The following CACNA1A variants were observed in gnomAD, a reference collection of about 807,000 sequenced individuals.
The protein encoded by CACNA1A is voltage-dependent P/Q-type calcium channel subunit alpha-1A.
A neutral mutation model predicts 262.4 loss-of-function variants in CACNA1A; 57 were observed. The ratio of observed to expected loss-of-function variants is 0.22; its 90% CI spans 0.18 to 0.27. CACNA1A has a LOEUF of 0.27. Ranked by LOEUF, CACNA1A falls within the 10% of genes least tolerant of loss-of-function variation. The pLI, the probability that CACNA1A is intolerant of heterozygous loss-of-function variation, is 1.00. For synonymous variants in CACNA1A, 1,431 were observed against 1,419.3 expected (o/e 1.01, Z -0.18); for missense variants, 2,526 against 3,562.8 (o/e 0.71, Z 7.41).
At chr19:13,362,965 C>T (rs1486025569) in intron 5 of CACNA1A, 1 of 152,246 alleles carries the variant, frequency 6.6e-6, no homozygotes, top group Non-Finnish European at 1.5e-5. Flanking sequence ...TCTAGAAAAA[C>T]AAGCGTCCAG....
chr19:13,349,438 AC>A (rs2058863156), intron 6 of CACNA1A, among the ~76,000 whole-genome samples: 1 of 152,164 alleles, frequency 6.6e-6, no homozygotes, highest in Admixed American at 6.5e-5. Flanking sequence ...GGGGTCAGGG[AC>A]CTTCCCCTGT....
intron 3 of CACNA1A, among the ~76,000 whole-genome samples, chr19:13,385,419 G>A (rs549961784): frequency 9.9e-5 from 15 of 151,992 alleles, no homozygotes; most frequent in Non-Finnish European, 1.5e-5. Flanking sequence ...TAGTAGAGAC[G>A]GGGTTTCACC....
chr19:13,370,493 A>G (rs142433352), intron 4 of CACNA1A, among the ~76,000 whole-genome samples: 1,952 of 151,820 alleles, frequency 0.013, 38 homozygotes, highest in African/African-American at 0.044. Flanking sequence ...CAGTGGTGCT[A>G]TCACAGCTCA....
chr19:13,445,625 C>T (rs8107882), intron 3 of CACNA1A, among the ~76,000 whole-genome samples: 4 of 152,252 alleles, frequency 2.6e-5, no homozygotes, highest in South Asian at 2.1e-4. Context: ...TTAACATGCA[C>T]GATTTGTGTT....
chr19:13,452,315 CTG>C (rs1353652302), intron 3 of CACNA1A: 2 of 152,364 alleles, frequency 1.3e-5, no homozygotes, highest in African/African-American at 4.8e-5. Context: ...AAGACAGTAA[CTG>C]TACCTTATTT....
At chr19:13,326,459 A>G (rs1253111068) in intron 10 of CACNA1A, among the ~76,000 whole-genome samples, 1 of 152,166 alleles carries the variant, frequency 6.6e-6, no homozygotes, top group Admixed American at 6.5e-5. Flanking sequence ...TTATCAACTG[A>G]TTCAACAGCG....
At chr19:13,403,580 C>A (rs1193368993) in intron 3 of CACNA1A, among the ~76,000 whole-genome samples, 1 of 152,104 alleles carries the variant, frequency 6.6e-6, no homozygotes, top group African/African-American at 2.4e-5. Context: ...GAAAAATACA[C>A]ACCATGTTGC....
In CACNA1A at chr19:13,257,424, C is replaced by A. The variant is rs1322080885; in HGVS notation, c.4516G>T (p.Val1506Leu). Reference protein sequence around the residue: ...VFPFFFVNIFVALIIITFQEQ... With the variant: ...VFPFFFVNIFLALIIITFQEQ... ...TGGAAGGTGATGATGATCAAGGCCA[C>A]AAAGATATTGACAAAGAAGAAGGGG... The change falls in exon 28 of 47, where the codon GTG becomes TTG. Residue 1506 changes from valine (V) to leucine (L), a missense_variant. Transcript: ENST00000360228. 2.5e-6 allele frequency: 4 copies of A among 1,613,808 alleles called. No individual in the cohort carries two copies. The highest frequency in any genetic ancestry group is 3.4e-6 in the Non-Finnish European group (4 of 1,179,870).
At chr19:13,472,108 G>A (rs990263083) in intron 1 of CACNA1A, among the ~76,000 whole-genome samples, 1 of 151,908 alleles carries the variant, frequency 6.6e-6, no homozygotes, top group Admixed American at 6.6e-5. Context: ...GACTACAGGT[G>A]CACACTATCA....
At position 13,335,956 on chromosome 19, in the gene CACNA1A, A is replaced by G. The variant is rs1252793783; in HGVS notation, c.979-47T>C. Reference sequence around the variant, plus strand: ...AGCAGGTGAGAGTTGACTGGGACTCAGATAGAACCTGACAGGTGAGGGAAG... The same window carrying G: ...AGCAGGTGAGAGTTGACTGGGACTCGGATAGAACCTGACAGGTGAGGGAAG... On this transcript the variant is annotated intron_variant, in intron 6 of 46. Coordinates refer to ENST00000360228, the MANE Select transcript of CACNA1A (RefSeq NM_001127222.2). 5 of 1,113,544 alleles carry G rather than the reference A, an allele frequency of 4.5e-6. No individual in the cohort carries two copies. The East Asian group carries it at 1.0e-4, about 23-fold the overall frequency. 69.0% of individuals were successfully genotyped at this position (1,113,544 alleles called of 1,614,324 possible). A position where few individuals can be genotyped will look rare whatever the true frequency, so the allele number is the denominator to read the frequency against.
intron 3 of CACNA1A, among the ~76,000 whole-genome samples, chr19:13,433,333 T>C (rs569086590): frequency 2.0e-5 from 3 of 149,470 alleles, no homozygotes; most frequent in Non-Finnish European, 1.5e-5. Context: ...TCATGGCGTG[T>C]GCCCATAGTC....
Position 13,317,232 on chromosome 19 carries a change from T to C in CACNA1A, c.1435A>G (p.Ile479Val). Residue 479 changes from isoleucine to valine, a missense_variant, in exon 11 of 47, where the codon ATC becomes GTC. This residue lies in a region of CACNA1A where 104 missense variants were observed against 127.6 expected (regional missense o/e 0.81). Transcript: ENST00000360228. ...GCCTGAGTTTTGACCATGCGGCGGA[T>C]GTAGAAACGCATCCTCCTCTCCTTT... ...HKKERRMRFY[I>V]RRMVKTQAFY... is the part of the protein sequence containing the mutation. 2 of 1,613,734 alleles carry C rather than the reference T, an allele frequency of 1.2e-6. No individual in the cohort carries two copies. Among genetic ancestry groups the C allele is most frequent in the Non-Finnish European group, 1.7e-6 (2 of 1,179,744 alleles).
intron 1 of CACNA1A, among the ~76,000 whole-genome samples, chr19:13,479,787 C>T (rs1979036848): frequency 6.6e-6 from 1 of 152,168 alleles, no homozygotes; most frequent in Non-Finnish European, 1.5e-5. Context: ...GAAAGAAAGG[C>T]TGGCCTTTAA....
At chr19:13,321,783 G>C (rs1340226303) in intron 10 of CACNA1A, among the ~76,000 whole-genome samples, 2 of 152,252 alleles carry the variant, frequency 1.3e-5, no homozygotes, top group Non-Finnish European at 2.9e-5. Flanking sequence ...GTTGCTCTTG[G>C]TGAGGGAGTG....
Position 13,214,456 on chromosome 19 carries a change from A to T in CACNA1A, c.5839+45T>A. The T allele has an allele frequency of 6.4e-7, 1 of 1,565,896 alleles. No individual in the cohort carries two copies. The highest frequency in any genetic ancestry group is 1.7e-4 in the Middle Eastern group (1 of 5,978). On this transcript the variant is annotated intron_variant, in intron 39 of 46. Coordinates refer to ENST00000360228, the MANE Select transcript of CACNA1A (RefSeq NM_001127222.2). This position sits in a 1 kb window ranked among gnomAD's most constrained non-coding sequence, Gnocchi z 4.1. ...AGGCCTCCCCTTTCCCTCCCCCTCC[A>T]TCTGTCCTGGTGGATTGGATCCCAG...
rs751063881 is a variant in CACNA1A at position 13,308,298 on chromosome 19, G to A, written c.1782-47C>T. ...GGACTCAGGCCAGGCGGGGGAGGCA[G>A]GGCCCCGGAGTCAGCCCTCGAAACA... On this transcript the variant is annotated intron_variant, in intron 13 of 46. Transcript: ENST00000360228. This position sits in a 1 kb window ranked among gnomAD's most constrained non-coding sequence, Gnocchi z 4.2. 1.3e-6 allele frequency: 2 copies of A among 1,587,246 alleles called. No homozygotes were observed. The highest frequency in any genetic ancestry group is 1.1e-5 in the South Asian group (1 of 87,960).
At chr19:13,400,292 A>T (rs562987590) in intron 3 of CACNA1A, among the ~76,000 whole-genome samples, 8 of 152,210 alleles carry the variant, frequency 5.3e-5, no homozygotes, top group Admixed American at 1.3e-4. Context: ...TCGACTTTTG[A>T]CTTTTGCAGG....
At chr19:13,413,315 C>G (rs555234593) in intron 3 of CACNA1A, among the ~76,000 whole-genome samples, 2 of 151,024 alleles carry the variant, frequency 1.3e-5, no homozygotes, top group Admixed American at 1.3e-4. Context: ...ACTGTGTTAG[C>G]CAGGATGGTC....
At chr19:13,383,949 G>A (rs1209749555) in intron 3 of CACNA1A, among the ~76,000 whole-genome samples, 5 of 152,076 alleles carry the variant, frequency 3.3e-5, no homozygotes, top group African/African-American at 1.2e-4. Flanking sequence ...CAAGTAGCTG[G>A]AACTACAGGC....
Sources: gnomAD v4.1 joint callset for allele counts (sites outside exome capture counted in the v4.1 genomes callset) on GRCh38, gnomAD v4.1.1 for gene constraint, gnomAD v4.1.1 regional missense constraint, Gnocchi (gnomAD v3.1) non-coding constraint, MANE v1.5 for transcripts, NCBI Gene and HGNC (gene_info 2026-07-23, HGNC 2026-07-21) for gene names.